The following NDUFV2 variants were observed in gnomAD, a reference collection of about 807,000 sequenced individuals.
NDUFV2 encodes the protein NADH:ubiquinone oxidoreductase core subunit V2.
Under a neutral mutation model 31.6 loss-of-function variants are expected in NDUFV2, and 18 were observed. The ratio of observed to expected loss-of-function variants is 0.57; its 90% CI spans 0.39 to 0.84. The LOEUF is 0.84. Ranked by LOEUF, NDUFV2 falls within the 40% of genes least tolerant of loss-of-function variation. NDUFV2 has a pLI of 0.00. For missense variants in NDUFV2, 314 were observed against 303.6 expected (o/e 1.03, Z -0.26); for synonymous variants, 83 against 99.8 (o/e 0.83, Z 1.01).
At chr18:9,104,459 C>A (rs147770094) in intron 1 of NDUFV2, among the ~76,000 whole-genome samples, 1 of 152,028 alleles carries the variant, frequency 6.6e-6, no homozygotes, top group Non-Finnish European at 1.5e-5. Context: ...GAGGCTCTTG[C>A]AGAATGCTAG....
At chr18:9,108,940 C>A (rs1223329767) in intron 1 of NDUFV2, among the ~76,000 whole-genome samples, 2 of 152,160 alleles carry the variant, frequency 1.3e-5, no homozygotes, top group African/African-American at 4.8e-5. Context: ...ATCCACCTGC[C>A]TCGGCTCTCA....
chr18:9,104,078 G>A, intron 1 of NDUFV2: 1 of 1,508,852 alleles, frequency 6.6e-7, no homozygotes, highest in Non-Finnish European at 9.1e-7. Flanking sequence ...ATCCAATGTG[G>A]TTTCAAGGTG....
intron 1 of NDUFV2, among the ~76,000 whole-genome samples, chr18:9,106,500 A>G: frequency 6.6e-6 from 1 of 152,088 alleles, no homozygotes; most frequent in East Asian, 1.9e-4. Context: ...TTTCCTTCCA[A>G]ATTTTAAGTT....
At chr18:9,118,889 G>GA (rs1186881708) in intron 2 of NDUFV2, among the ~76,000 whole-genome samples, 2 of 117,118 alleles carry the variant, frequency 1.7e-5, no homozygotes, top group African/African-American at 6.5e-5. Context: ...TAACCCTTTT[G>GA]GATCCCAGAT....
chr18:9,122,808 T>C, intron 5 of NDUFV2, 127 bp downstream of exon 5: 2 of 865,280 alleles, frequency 2.3e-6, no homozygotes, highest in Admixed American at 4.4e-5. Context: ...AGTAATATTT[T>C]GTGTTACTGT....
rs2078064308 is a variant in NDUFV2 at position 9,134,179 on chromosome 18, A to G, written c.657-7A>G. 1 of 1,608,942 alleles carries G rather than the reference A, an allele frequency of 6.2e-7. No homozygotes were observed. Among genetic ancestry groups the G allele is most frequent in the Non-Finnish European group, 8.5e-7 (1 of 1,175,714 alleles). ...CATTAATAGTTTAATATTACTTTTC[A>G]TTTCAGGAGTGGACGCTTCTCTTGT... On this transcript the variant is annotated splice_polypyrimidine_tract_variant and splice_region_variant and intron_variant, in intron 7 of 7. Transcript: ENST00000318388.
intron 6 of NDUFV2, among the ~76,000 whole-genome samples, chr18:9,126,418 C>T (rs2077991180): frequency 6.6e-6 from 1 of 152,216 alleles, no homozygotes; most frequent in African/African-American, 2.4e-5. Context: ...TCCAAGATTA[C>T]TAGCTAGTAA....
intron 1 of NDUFV2, among the ~76,000 whole-genome samples, chr18:9,110,700 G>A (rs760516334): frequency 2.0e-5 from 3 of 152,126 alleles, no homozygotes; most frequent in Non-Finnish European, 4.4e-5. Flanking sequence ...TAGAGACAGG[G>A]TTTCACCATG....
rs2077993156 is a variant in NDUFV2 at position 9,126,659 on chromosome 18, G to C, written c.580-172G>C. The stretch of plus-strand genomic sequence containing the variant: ...GCCGTAGAAAGTAATTTTGTGCCAT[G>C]CGTGGTGGTTCATACCTGTAATCCC... On this transcript the variant is annotated intron_variant, in intron 6 of 7. Coordinates refer to ENST00000318388, the MANE Select transcript of NDUFV2 (RefSeq NM_021074.5). The C allele has an allele frequency of 5.0e-6, 3 of 597,908 alleles. No individual in the cohort carries two copies. In the South Asian group the frequency reaches 5.9e-5, roughly 12 times the overall value. The allele number at this position is 597,908 out of a possible 1,614,324, so 37.0% of individuals were successfully genotyped here. A position where few individuals can be genotyped will look rare whatever the true frequency, so the allele number is the denominator to read the frequency against.
chr18:9,110,521 T>C (rs921288831), intron 1 of NDUFV2, among the ~76,000 whole-genome samples: 8 of 152,198 alleles, frequency 5.3e-5, no homozygotes, highest in African/African-American at 1.7e-4. Flanking sequence ...TACTTACTAC[T>C]TTTTTGAGAC....
chr18:9,115,316 G>GT (rs1198297656), intron 1 of NDUFV2, among the ~76,000 whole-genome samples: 5 of 151,428 alleles, frequency 3.3e-5, no homozygotes, highest in African/African-American at 1.2e-4. Flanking sequence ...ATGCATTTTT[G>GT]TTTTTTTTGT....
intron 1 of NDUFV2, chr18:9,104,006 G>GT (rs140167229): frequency 0.071 from 50,605 of 715,298 alleles, 1,983 homozygotes; most frequent in Non-Finnish European, 0.078. Flanking sequence ...ATAGTCTCAT[G>GT]TAAGAGGAAC....
chr18:9,122,480 A>C (rs764096984), intron 4 of NDUFV2, 33 bp from the exon 5 acceptor site: 4 of 1,543,800 alleles, frequency 2.6e-6, no homozygotes, highest in Middle Eastern at 1.7e-4. Context: ...TAACACTGTA[A>C]TTATCTTATT....
chr18:9,131,892 G>C (rs1228814255), intron 7 of NDUFV2, among the ~76,000 whole-genome samples: 1 of 152,188 alleles, frequency 6.6e-6, no homozygotes, highest in Non-Finnish European at 1.5e-5. Flanking sequence ...CAGGTGAGTG[G>C]ATAGGGCTAG....
At chr18:9,103,741 T>C (rs2077826760) in intron 1 of NDUFV2, 1 of 158,248 alleles carries the variant, frequency 6.3e-6, no homozygotes. Flanking sequence ...GTTTCTTCAG[T>C]TGTAAAATGG....
At chr18:9,118,976 A>G (rs1318421008) in intron 2 of NDUFV2, among the ~76,000 whole-genome samples, 1 of 152,094 alleles carries the variant, frequency 6.6e-6, no homozygotes, top group East Asian at 1.9e-4. Flanking sequence ...TTTTAATTTC[A>G]TAAAGGCTTC....
At chr18:9,113,870 A>T (rs1382999369) in intron 1 of NDUFV2, among the ~76,000 whole-genome samples, 1 of 152,146 alleles carries the variant, frequency 6.6e-6, no homozygotes, top group Non-Finnish European at 1.5e-5. Context: ...TGGAGACAAG[A>T]GTCTTGCCGA....
chr18:9,125,794 G>C (rs1445110775), intron 6 of NDUFV2, among the ~76,000 whole-genome samples: 1 of 152,040 alleles, frequency 6.6e-6, no homozygotes, highest in Non-Finnish European at 1.5e-5. Context: ...TCCTGCTCCT[G>C]GCAGTACTGC....
At chr18:9,104,272 A>T in intron 1 of NDUFV2, 1 of 1,612,558 alleles carries the variant, frequency 6.2e-7, no homozygotes, top group Non-Finnish European at 8.5e-7. Flanking sequence ...GGGGCCAGAT[A>T]TTGGAGCTCC....
Sources: gnomAD v4.1 joint callset for allele counts (sites outside exome capture counted in the v4.1 genomes callset) on GRCh38, gnomAD v4.1.1 for gene constraint, MANE v1.5 for transcripts, NCBI Gene and HGNC (gene_info 2026-07-23, HGNC 2026-07-21) for gene names.